The following LRMDA variants were observed in gnomAD, a reference collection of about 807,000 sequenced individuals.
LRMDA encodes leucine rich melanocyte differentiation associated, also known as leucine-rich melanocyte differentiation-associated protein.
A neutral mutation model predicts 29.8 loss-of-function variants in LRMDA; 18 were observed. The observed-to-expected ratio is 0.60, with a 90% confidence interval of 0.42 to 0.90. LRMDA has a LOEUF of 0.90. Ranked by LOEUF, LRMDA falls within the 40% of genes least tolerant of loss-of-function variation. LRMDA has a pLI of 0.00. For synonymous variants in LRMDA, 125 were observed against 109.4 expected, an observed-to-expected ratio of 1.14 and a Z score of -0.89; for missense variants, 273 against 273.9, an observed-to-expected ratio of 1.00 and a Z score of 0.02.
At chr10:76,387,130 A>G (rs1841669027) in intron 6 of LRMDA, among the ~76,000 whole-genome samples, 1 of 152,156 alleles carries the variant, frequency 6.6e-6, no homozygotes, top group East Asian at 1.9e-4. Context: ...CAATTTGATA[A>G]TTTTTATATT....
At chr10:76,462,404 A>C (rs1264985651) in intron 6 of LRMDA, among the ~76,000 whole-genome samples, 1 of 152,186 alleles carries the variant, frequency 6.6e-6, no homozygotes, top group African/African-American at 2.4e-5. Flanking sequence ...AGGAATTGGT[A>C]GTAAAAGAAT....
chr10:76,267,429 C>G (rs1353680326), intron 5 of LRMDA, among the ~76,000 whole-genome samples: 1 of 152,048 alleles, frequency 6.6e-6, no homozygotes, highest in Non-Finnish European at 1.5e-5. Flanking sequence ...ATTTCCAAAC[C>G]CTTTTTTATC....
intron 2 of LRMDA, chr10:75,882,920 T>A (rs1175273618): frequency 1.3e-5 from 2 of 152,206 alleles, no homozygotes; most frequent in Non-Finnish European, 2.9e-5. Flanking sequence ...TGAAGACAAA[T>A]GCATTGTTAA....
chr10:76,336,392 G>A (rs1840969349), intron 6 of LRMDA, among the ~76,000 whole-genome samples: 1 of 152,140 alleles, frequency 6.6e-6, no homozygotes, highest in Non-Finnish European at 1.5e-5. Flanking sequence ...TATTATTCTT[G>A]TGCATCTGTT....
At chr10:76,490,658 G>A (rs1176208952) in intron 6 of LRMDA, among the ~76,000 whole-genome samples, 3 of 151,732 alleles carry the variant, frequency 2.0e-5, no homozygotes, top group Non-Finnish European at 4.4e-5. Context: ...TTAATTTTCA[G>A]TCTATGTATG....
chr10:76,555,306 G>C (rs1843542570), intron 6 of LRMDA, among the ~76,000 whole-genome samples: 6 of 152,118 alleles, frequency 3.9e-5, no homozygotes, highest in African/African-American at 1.2e-4. Context: ...CCCAAGAAGG[G>C]TCTCAGTGAG....
rs150241682 is a variant in LRMDA, at chr10:76,173,599, A to C, written c.516+114816A>C. On this transcript the variant is annotated intron_variant, in intron 5 of 6. Transcript: ENST00000611255. ...TTGACAACTTGGATAAAATGGACAG[A>C]TTTCTTCAAAGATACAAACTATCAA... Among the ~76,000 whole-genome samples the C allele has an allele frequency of 9.2e-3, 1,406 of 152,358 alleles. 9 individuals carry two copies. Among genetic ancestry groups the C allele is most frequent in the Non-Finnish European group, 0.013 (901 of 68,038 alleles).
At chr10:75,869,340 A>G (rs1396345321) in intron 2 of LRMDA, among the ~76,000 whole-genome samples, 2 of 152,096 alleles carry the variant, frequency 1.3e-5, no homozygotes, top group Non-Finnish European at 2.9e-5. Context: ...CCCATGGCCA[A>G]CCCCAGCCTG....
chr10:76,112,088 C>T (rs1849587391), intron 5 of LRMDA, among the ~76,000 whole-genome samples: 1 of 152,154 alleles, frequency 6.6e-6, no homozygotes, highest in African/African-American at 2.4e-5. Flanking sequence ...ATGGAAATTG[C>T]CGGCCGAGGG....
chr10:76,474,317 G>A (rs1373628590), intron 6 of LRMDA, among the ~76,000 whole-genome samples: 2 of 151,564 alleles, frequency 1.3e-5, no homozygotes, highest in Non-Finnish European at 3.0e-5. Flanking sequence ...TTTGGGTTAA[G>A]GCAGCAGTGT....
intron 6 of LRMDA, among the ~76,000 whole-genome samples, chr10:76,427,974 C>A (rs572042328): frequency 1.3e-5 from 2 of 152,122 alleles, no homozygotes; most frequent in Admixed American, 6.6e-5. Context: ...ATGGTGGATA[C>A]GCTTTTTGAT....
chr10:75,884,794 A>G (rs1367064595), intron 2 of LRMDA, among the ~76,000 whole-genome samples: 1 of 152,208 alleles, frequency 6.6e-6, no homozygotes, highest in Non-Finnish European at 1.5e-5. Context: ...TTGGGAACTG[A>G]AGGGGACCAT....
intron 2 of LRMDA, among the ~76,000 whole-genome samples, chr10:75,784,904 T>C (rs185935831): frequency 1.2e-4 from 19 of 152,202 alleles, no homozygotes; most frequent in African/African-American, 4.6e-4. Context: ...TTGAAGCAAA[T>C]AGGTTTTGTA....
chr10:76,024,588 C>A (rs189071823), intron 2 of LRMDA, among the ~76,000 whole-genome samples: 62 of 152,322 alleles, frequency 4.1e-4, no homozygotes, highest in African/African-American at 1.4e-3. Flanking sequence ...CCAATTAAGA[C>A]CTCACAGAAT....
chr10:75,885,903 G>C (rs2132348558), intron 2 of LRMDA, among the ~76,000 whole-genome samples: 1 of 152,358 alleles, frequency 6.6e-6, no homozygotes, highest in African/African-American at 2.4e-5. Flanking sequence ...CCTTGAGCAT[G>C]ACTAGGCACA....
At chr10:75,945,867 GA>G (rs1416334580) in intron 2 of LRMDA, among the ~76,000 whole-genome samples, 24 of 152,264 alleles carry the variant, frequency 1.6e-4, no homozygotes, top group Non-Finnish European at 2.5e-4. Context: ...CCATTTTAGA[GA>G]TGGGGAAATA....
chr10:76,408,732 G>T (rs542326549), intron 6 of LRMDA, among the ~76,000 whole-genome samples: 2 of 151,986 alleles, frequency 1.3e-5, no homozygotes, highest in African/African-American at 2.4e-5. Flanking sequence ...CTCCAAAGCC[G>T]CAGGACTCCT....
chr10:76,020,198 C>A lies in LRMDA; in HGVS notation c.132-15810C>A, dbSNP rs78895199. Among the ~76,000 whole-genome samples the A allele has an allele frequency of 5.3e-5, 8 of 152,342 alleles. No individual in the cohort carries two copies. In the East Asian group the frequency reaches 1.5e-3, roughly 29 times the overall value. ...TGTGGGTCGCCTACCCTGCTTCTCT[C>A]AGCTGTCTGTACTATAAGCGTGTGG... On this transcript the variant is annotated intron_variant, in intron 2 of 6. Coordinates refer to ENST00000611255, the MANE Select transcript of LRMDA (RefSeq NM_001305581.2).
intron 2 of LRMDA, among the ~76,000 whole-genome samples, chr10:76,030,431 A>G (rs929922848): frequency 3.3e-5 from 5 of 152,202 alleles, no homozygotes; most frequent in Non-Finnish European, 7.3e-5. Context: ...GTCTTTATCC[A>G]TACATTTAAG....
Sources: allele counts gnomAD v4.1 joint callset (sites outside exome capture counted in the v4.1 genomes callset), GRCh38; gene constraint gnomAD v4.1.1; transcripts MANE v1.5; gene names NCBI Gene and HGNC (gene_info 2026-07-23, HGNC 2026-07-21).